The following ERICH6 variants were observed in gnomAD, a reference collection of about 807,000 sequenced individuals.
The protein encoded by ERICH6 is glutamate-rich protein 6.
ERICH6 carries 71 observed loss-of-function variants against 71.0 expected under a neutral mutation model. The observed-to-expected ratio is 1.00, with a 90% CI of 0.83 to 1.22. ERICH6 has a LOEUF of 1.22. Ranked by LOEUF, ERICH6 falls within the 50% of genes most tolerant of loss-of-function variation. The probability of loss-of-function intolerance (pLI) is 0.00; values close to 1 mark genes in which losing one functional copy is unlikely to be tolerated. For synonymous variants in ERICH6, 262 were observed against 278.4 expected (o/e 0.94, Z 0.59); for missense variants, 808 against 797.2 (o/e 1.01, Z -0.16).
chr3:150,699,136 C>A (rs989919336), intron 2 of ERICH6, among the ~76,000 whole-genome samples: 4 of 151,766 alleles, frequency 2.6e-5, no homozygotes, highest in Non-Finnish European at 5.9e-5. Context: ...CATGGTGAGA[C>A]CCTATCTCTA....
chr3:150,666,915 A>C lies in ERICH6; in HGVS notation c.1600T>G (p.Ser534Ala), dbSNP rs774987695. Reference sequence around the variant, plus strand: ...AAAGCCAGAAAGACAGGTTTAAATGAAACAAAGGGTGAGGAAGTGATGGAA... The same window carrying C: ...AAAGCCAGAAAGACAGGTTTAAATGCAACAAAGGGTGAGGAAGTGATGGAA... ...SNSITSSPFV[S>A]FKPVFLALNR... Residue 534 changes from serine to alanine, a missense_variant, in exon 13 of 14, where the codon TCA (serine) becomes GCA (alanine). Physicochemically the swap from Ser to Ala is moderately conservative, Grantham distance 99. Around this residue, in one of 3 missense-constraint regions of ERICH6, gnomAD observed 736 missense variants for 712.2 expected, o/e 1.03. Transcript: ENST00000295910. 6.2e-7 allele frequency: 1 copy of C among 1,614,200 alleles called. No individual in the cohort carries two copies. Among genetic ancestry groups the C allele is most frequent in the Non-Finnish European group, 8.5e-7 (1 of 1,180,032 alleles).
rs776550362 is a variant in ERICH6, at chr3:150,666,973, G to A, written c.1542C>T (p.Ala514=). 28 of 1,614,068 alleles carry A rather than the reference G, an allele frequency of 1.7e-5. No individual in the cohort carries two copies. Among genetic ancestry groups the A allele is most frequent in the South Asian group, 4.4e-5 (4 of 91,064 alleles). The change falls in exon 13 of 14, where the codon GCC becomes GCT. Residue 514 remains alanine (A), a synonymous_variant. Coordinates refer to ENST00000295910, the MANE Select transcript of ERICH6 (RefSeq NM_152394.5). The part of the protein sequence containing the change: ...NILGGQYSDQ[A]GNRIRAWNWS... The stretch of plus-strand genomic sequence containing the variant: ...AATTCCAAGCCCTTATTCTGTTGCC[G>A]GCTTGATCTGAATATTGACCTCCCA...
rs1448734941 is a variant in ERICH6 at position 150,669,312 on chromosome 3, G to T, written c.1483C>A (p.Pro495Thr). 5.6e-6 allele frequency: 9 copies of T among 1,608,514 alleles called. No individual in the cohort carries two copies. Among genetic ancestry groups the T allele is most frequent in the Non-Finnish European group, 7.6e-6 (9 of 1,178,028 alleles). ...GAAGCTTACCAGACATTTCCATTGGGATGATAGCAGGAACTTCTGCCAGAG... is the reference window on the plus strand; with the variant it reads ...GAAGCTTACCAGACATTTCCATTGGTATGATAGCAGGAACTTCTGCCAGAG... Reference protein sequence around the residue: ...DSSGRSSCYHPNGNVWVYINI... With the variant: ...DSSGRSSCYHTNGNVWVYINI... The change falls in exon 12 of 14, where the codon CCC (proline) becomes ACC (threonine). Residue 495 changes from proline (P) to threonine (T), a missense_variant. Physicochemically the swap from Pro to Thr is conservative, Grantham distance 38. Around this residue, in one of 3 missense-constraint regions of ERICH6, gnomAD observed 736 missense variants for 712.2 expected, o/e 1.03. Coordinates refer to ENST00000295910, the MANE Select transcript of ERICH6 (RefSeq NM_152394.5).
At chr3:150,679,856 C>T (rs1198976102) in intron 9 of ERICH6, among the ~76,000 whole-genome samples, 3 of 152,256 alleles carry the variant, frequency 2.0e-5, no homozygotes, top group South Asian at 4.1e-4. Context: ...TGGGGTTTCA[C>T]TATGTTGGCC....
intron 9 of ERICH6, among the ~76,000 whole-genome samples, chr3:150,679,693 T>C (rs1357878736): frequency 6.6e-6 from 1 of 152,114 alleles, no homozygotes; most frequent in African/African-American, 2.4e-5. Flanking sequence ...AGTTTTTCTT[T>C]TGTTGCCCAG....
intron 1 of ERICH6, 78 bp downstream of exon 1, chr3:150,703,418 C>A (rs1576567501): frequency 4.8e-6 from 7 of 1,461,154 alleles, no homozygotes; most frequent in African/African-American, 4.2e-5. Flanking sequence ...TCGACGAAGG[C>A]ACCACCCAGG....
intron 3 of ERICH6, among the ~76,000 whole-genome samples, chr3:150,698,041 G>T (rs899399020): frequency 7.9e-5 from 12 of 152,028 alleles, no homozygotes; most frequent in African/African-American, 2.7e-4. Context: ...AGATTCTCAG[G>T]AAAGATTTCT....
At chr3:150,661,020 T>G (rs1727204883) in intron 13 of ERICH6, among the ~76,000 whole-genome samples, 1 of 152,152 alleles carries the variant, frequency 6.6e-6, no homozygotes, top group South Asian at 2.1e-4. Context: ...GACAGAAAAC[T>G]TTTTTACAGA....
chr3:150,685,713 T>TA, intron 6 of ERICH6, 29 bp downstream of exon 6: 1 of 1,507,164 alleles, frequency 6.6e-7, no homozygotes, highest in Non-Finnish European at 9.2e-7. Flanking sequence ...TTTTTAAGAG[T>TA]AATAATAAGA....
chr3:150,676,571 C>T lies in ERICH6; in HGVS notation c.1257+1838G>A, dbSNP rs562296732. ...GTGATTTGAAGGTGGAATTAGTGAC[C>T]GTCCTCCAAAGATAGTTTGGATTTA... On this transcript the variant is annotated intron_variant, in intron 10 of 13. Coordinates refer to ENST00000295910, the MANE Select transcript of ERICH6 (RefSeq NM_152394.5). Among the ~76,000 whole-genome samples the T allele has an allele frequency of 2.8e-3, 422 of 152,170 alleles. 1 individual carries two copies. The highest frequency in any genetic ancestry group is 4.0e-3 in the Non-Finnish European group (273 of 68,000).
chr3:150,696,993 C>T (rs1222143515), intron 3 of ERICH6, among the ~76,000 whole-genome samples: 1 of 152,078 alleles, frequency 6.6e-6, no homozygotes, highest in Non-Finnish European at 1.5e-5. Context: ...TATCTAGGAA[C>T]AATTTTATGC....
At chr3:150,682,369 G>T in intron 6 of ERICH6, 53 bp from the exon 7 acceptor site, 2 of 1,373,052 alleles carry the variant, frequency 1.5e-6, no homozygotes, top group Non-Finnish European at 2.0e-6. Context: ...AGGCCCAGAG[G>T]CTCTGAGAGC....
intron 3 of ERICH6, 121 bp from the exon 4 acceptor site, chr3:150,686,475 T>C: frequency 1.2e-6 from 1 of 805,252 alleles, no homozygotes; most frequent in Non-Finnish European, 2.0e-6. Context: ...TCTTTTAATC[T>C]TTTGTCTCTT....
chr3:150,698,871 C>G lies in ERICH6; in HGVS notation c.473G>C (p.Arg158Pro). Residue 158 changes from arginine (R) to proline (P), a missense_variant, in exon 3 of 14, where the codon CGC (arginine) becomes CCC (proline). By Grantham distance (103) the Arg-to-Pro change is moderately radical. Coordinates refer to ENST00000295910, the MANE Select transcript of ERICH6 (RefSeq NM_152394.5). ...TACTGGAATTCCTGGAGACAAATTG[C>G]GATGAATATTTCTGAAATTTCGACA... The part of the protein sequence containing the change: ...SEMSIDRNIH[R>P]NLSPGIPVSV... The G allele has an allele frequency of 1.2e-6, 2 of 1,613,244 alleles. No homozygotes were observed. Among genetic ancestry groups the G allele is most frequent in the South Asian group, 2.2e-5 (2 of 90,998 alleles).
chr3:150,695,370 C>T (rs887501590), intron 3 of ERICH6, among the ~76,000 whole-genome samples: 3 of 152,016 alleles, frequency 2.0e-5, no homozygotes, highest in Non-Finnish European at 2.9e-5. Context: ...AAAAGATTCT[C>T]GCCGGCTGTA....
Position 150,682,267 on chromosome 3 carries a change from A to G in ERICH6, c.833T>C (p.Leu278Pro). 1.2e-6 allele frequency: 2 copies of G among 1,613,940 alleles called. No individual in the cohort carries two copies. Among genetic ancestry groups the G allele is most frequent in the Non-Finnish European group, 1.7e-6 (2 of 1,180,036 alleles). ...ATCCACATTAGAAAAAAATGCTCTT[A>G]GATCGCTGCCACAAAATTCACATTT... ...SPKCEFCGSDLRAFFSNVDVS... is the reference protein window; with the variant it reads ...SPKCEFCGSDPRAFFSNVDVS... Residue 278 changes from leucine to proline, a missense_variant, in exon 7 of 14, where the codon CTA becomes CCA. Coordinates refer to ENST00000295910, the MANE Select transcript of ERICH6 (RefSeq NM_152394.5).
intron 3 of ERICH6, among the ~76,000 whole-genome samples, chr3:150,687,936 A>G (rs1460782827): frequency 6.6e-6 from 1 of 152,098 alleles, no homozygotes; most frequent in Admixed American, 6.6e-5. Flanking sequence ...TGAGCAAAAT[A>G]CTGAGACCTG....
chr3:150,703,237 G>A (rs1184778024), intron 1 of ERICH6, among the ~76,000 whole-genome samples: 1 of 151,282 alleles, frequency 6.6e-6, no homozygotes. Context: ...AAAAAAAAAA[G>A]CACTTCATAC....
intron 13 of ERICH6, among the ~76,000 whole-genome samples, chr3:150,661,960 G>A (rs545826806): frequency 2.0e-5 from 3 of 152,176 alleles, no homozygotes; most frequent in African/African-American, 7.2e-5. Context: ...TGGTTTGCCC[G>A]AGAACATATA....
Sources: gnomAD v4.1 joint callset for allele counts (sites outside exome capture counted in the v4.1 genomes callset) on GRCh38, gnomAD v4.1.1 for gene constraint, gnomAD v4.1.1 regional missense constraint, MANE v1.5 for transcripts, NCBI Gene and HGNC (gene_info 2026-07-23, HGNC 2026-07-21) for gene names.